Variants in MBNL3 observed in about 807,000 individuals in gnomAD.
The protein encoded by MBNL3 is muscleblind like splicing regulator 3.
MBNL3 carries 6 observed loss-of-function variants against 24.5 expected under a neutral mutation model. That is an observed-to-expected ratio of 0.25 (90% CI 0.13 to 0.48). The LOEUF (loss-of-function observed/expected upper bound fraction) is 0.48. MBNL3 is among the 20% of genes least tolerant of loss of function. The pLI is 0.99. For missense variants in MBNL3, 230 were observed against 293.5 expected (o/e 0.78, Z 1.58); for synonymous variants, 100 against 101.7 (o/e 0.98, Z 0.10).
chrX:132,386,418 A>G (rs1332312917), intron 6 of MBNL3, among the ~76,000 whole-genome samples: 2 of 112,287 alleles, frequency 1.8e-5, no homozygotes. Flanking sequence ...GCAAAAACCA[A>G]CAAATGCTAA....
intron 2 of MBNL3, among the ~76,000 whole-genome samples, chrX:132,407,735 CCCA>C (rs766456610): frequency 5.5e-4 from 61 of 111,540 alleles, no homozygotes; most frequent in African/African-American, 1.8e-3. Flanking sequence ...TCTTTTTACA[CCCA>C]CCAATGTGAA....
intron 1 of MBNL3, among the ~76,000 whole-genome samples, chrX:132,483,990 T>A (rs1303624468): frequency 1.8e-5 from 2 of 112,271 alleles, no homozygotes; most frequent in Non-Finnish European, 3.8e-5. Context: ...TGATTTTTTT[T>A]TTAAATTTTT....
In MBNL3 at chrX:132,415,900, T is replaced by C. The variant is rs758436509; in HGVS notation, c.178-9508A>G. ...ATCACCAAAAGTTCTATTGAAACCT[T>C]TGTGCTAACTTGTTATTAAAATTGT... On this transcript the variant is annotated intron_variant, in intron 2 of 8. Transcript: ENST00000370853. Among the ~76,000 whole-genome samples the C allele has an allele frequency of 6.3e-5, 7 of 111,721 alleles. No individual in the cohort carries two copies. In the East Asian group the frequency reaches 2.0e-3, roughly 31 times the overall value.
chrX:132,476,791 A>G (rs1389567262), intron 1 of MBNL3, among the ~76,000 whole-genome samples: 4 of 111,699 alleles, frequency 3.6e-5, no homozygotes, highest in Non-Finnish European at 7.5e-5. Context: ...CAAGCATCCC[A>G]TAACAAAAAA....
At chrX:132,473,639 A>T (rs905682990) in intron 1 of MBNL3, among the ~76,000 whole-genome samples, 63 of 111,228 alleles carry the variant, frequency 5.7e-4, no homozygotes, top group Non-Finnish European at 7.8e-4. Flanking sequence ...CACAAAAAAA[A>T]CCCATATGTA....
At chrX:132,427,414 A>G (rs1215003446) in intron 2 of MBNL3, among the ~76,000 whole-genome samples, 1 of 111,694 alleles carries the variant, frequency 9.0e-6, no homozygotes, top group Non-Finnish European at 1.9e-5. Flanking sequence ...CAGAAACACT[A>G]GAGATTACAT....
chrX:132,390,282 A>C (rs971559101), intron 5 of MBNL3, among the ~76,000 whole-genome samples: 9 of 105,429 alleles, frequency 8.5e-5, no homozygotes, highest in Non-Finnish European at 1.6e-4. Flanking sequence ...AAAAAAAAAA[A>C]AAAAAAAAAC....
chrX:132,485,657 TA>T (rs1002969259), intron 1 of MBNL3, among the ~76,000 whole-genome samples: 9 of 112,413 alleles, frequency 8.0e-5, no homozygotes, highest in African/African-American at 2.9e-4. Flanking sequence ...ATGAAAGATC[TA>T]ATTGCTTTCT....
intron 2 of MBNL3, chrX:132,429,858 C>T (rs750766064): frequency 8.9e-6 from 1 of 112,034 alleles, no homozygotes; most frequent in Non-Finnish European, 1.9e-5. Flanking sequence ...AGTCATCAAG[C>T]TCTTTTGATA....
chrX:132,405,832 G>A (rs1170776254), intron 3 of MBNL3, among the ~76,000 whole-genome samples: 3 of 88,522 alleles, frequency 3.4e-5, no homozygotes, highest in African/African-American at 9.2e-5. Flanking sequence ...AGCCTAGATC[G>A]CACCATTGCA....
chrX:132,425,633 G>A (rs1944243437), intron 2 of MBNL3, among the ~76,000 whole-genome samples: 1 of 111,175 alleles, frequency 9.0e-6, no homozygotes, highest in Admixed American at 9.6e-5. Flanking sequence ...TGAAGATTAT[G>A]AGCTTGTACT....
intron 1 of MBNL3, among the ~76,000 whole-genome samples, chrX:132,463,578 G>A (rs1946739625): frequency 8.9e-6 from 1 of 111,780 alleles, no homozygotes; most frequent in African/African-American, 3.3e-5. Flanking sequence ...ATCCACACAC[G>A]GCAAGCCCAG....
intron 1 of MBNL3, among the ~76,000 whole-genome samples, chrX:132,473,612 G>GCA (rs1254745053): frequency 3.7e-5 from 4 of 108,931 alleles, no homozygotes; most frequent in East Asian, 2.9e-4. Flanking sequence ...ATAAACACAC[G>GCA]CACACACACA....
At chrX:132,387,791 C>T (rs777174649) in intron 5 of MBNL3, among the ~76,000 whole-genome samples, 3 of 111,926 alleles carry the variant, frequency 2.7e-5, no homozygotes, top group African/African-American at 6.5e-5. Context: ...CTGTCCATTT[C>T]GGTATGTACC....
upstream of MBNL3, among the ~76,000 whole-genome samples, chrX:132,489,488 C>G (rs1255853473): frequency 9.0e-6 from 1 of 111,518 alleles, no homozygotes; most frequent in African/African-American, 3.2e-5. Flanking sequence ...CGGTCCCAAC[C>G]CCGCCCGGCC....
At chrX:132,448,529 T>C (rs1000838724) in intron 1 of MBNL3, among the ~76,000 whole-genome samples, 1 of 111,858 alleles carries the variant, frequency 8.9e-6, no homozygotes, top group Non-Finnish European at 1.9e-5. Flanking sequence ...TTGATTCTTC[T>C]CCCTTTTCTT....
intron 1 of MBNL3, among the ~76,000 whole-genome samples, chrX:132,441,059 T>C (rs1305543176): frequency 8.9e-6 from 1 of 112,505 alleles, no homozygotes; most frequent in East Asian, 2.8e-4. Context: ...ACCTGACTTT[T>C]CAAATATCAT....
At chrX:132,386,223 T>C (rs1036695105) in intron 6 of MBNL3, among the ~76,000 whole-genome samples, 10 of 112,308 alleles carry the variant, frequency 8.9e-5, no homozygotes, top group African/African-American at 3.2e-4. Context: ...TATACTATAT[T>C]ATGCACTTAG....
chrX:132,489,497 C>T (rs1948179734), upstream of MBNL3, among the ~76,000 whole-genome samples: 1 of 111,537 alleles, frequency 9.0e-6, no homozygotes, highest in African/African-American at 3.2e-5. Flanking sequence ...CCCCGCCCGG[C>T]CTTTGCCAAA....
Sources: allele counts gnomAD v4.1 joint callset (sites outside exome capture counted in the v4.1 genomes callset), GRCh38; gene constraint gnomAD v4.1.1; transcripts MANE v1.5; gene names NCBI Gene and HGNC (gene_info 2026-07-23, HGNC 2026-07-21).